The following CDK14 variants were observed in gnomAD, a reference collection of about 807,000 sequenced individuals.
CDK14 encodes cyclin-dependent kinase 14.
A neutral mutation model predicts 60.7 loss-of-function variants in CDK14; 34 were observed. The ratio of observed to expected loss-of-function variants is 0.56; its 90% CI spans 0.43 to 0.75. The LOEUF (loss-of-function observed/expected upper bound fraction) is 0.75. CDK14 is among the 30% of genes least tolerant of loss of function. CDK14 has a pLI of 0.00. For missense variants in CDK14, 482 were observed against 564.1 expected (o/e 0.85, Z 1.47); for synonymous variants, 197 against 203.7 (o/e 0.97, Z 0.28).
chr7:90,993,517 A>T lies in CDK14; in HGVS notation c.1041+9276A>T, dbSNP rs145257281. Among the ~76,000 whole-genome samples the T allele has an allele frequency of 1.0e-3, 158 of 152,106 alleles. 2 individuals carry two copies. Among genetic ancestry groups the T allele is most frequent in the Admixed American group, 9.5e-3 (145 of 15,268 alleles). On this transcript the variant is annotated intron_variant, in intron 10 of 14. Transcript: ENST00000380050. ...TGTGGATGAAAAATTTTTCTGAAAGAAGAAGGGGAAGGAAGGAGGGGGACA... is the reference window on the plus strand; with the variant it reads ...TGTGGATGAAAAATTTTTCTGAAAGTAGAAGGGGAAGGAAGGAGGGGGACA...
chr7:91,177,430 A>G (rs898673431), intron 14 of CDK14, among the ~76,000 whole-genome samples: 4 of 151,956 alleles, frequency 2.6e-5, no homozygotes, highest in South Asian at 2.1e-4. Context: ...CACCACTCCT[A>G]TTCAACATAG....
chr7:91,063,991 T>TC (rs1397439117), intron 11 of CDK14, among the ~76,000 whole-genome samples: 2 of 152,172 alleles, frequency 1.3e-5, no homozygotes, highest in Admixed American at 1.3e-4. Context: ...ACTGCTGTTA[T>TC]CCCAATTTGA....
intron 4 of CDK14, among the ~76,000 whole-genome samples, chr7:90,750,730 A>G (rs1418455344): frequency 1.3e-5 from 2 of 152,050 alleles, no homozygotes; most frequent in East Asian, 3.9e-4. Flanking sequence ...AAAATTAGCT[A>G]GGTGTGGTGG....
chr7:90,749,252 T>C (rs962976635), intron 4 of CDK14, among the ~76,000 whole-genome samples: 2 of 151,340 alleles, frequency 1.3e-5, no homozygotes, highest in African/African-American at 4.9e-5. Context: ...TATCTTGAGC[T>C]GCCCCACCCC....
intron 10 of CDK14, among the ~76,000 whole-genome samples, chr7:91,012,427 G>C (rs147097959): frequency 2.0e-5 from 3 of 152,276 alleles, no homozygotes; most frequent in Non-Finnish European, 2.9e-5. Context: ...TCTTGGTACA[G>C]ATTTCTCCTC....
At chr7:91,001,581 CT>C (rs1795835558) in intron 10 of CDK14, among the ~76,000 whole-genome samples, 1 of 152,024 alleles carries the variant, frequency 6.6e-6, no homozygotes, top group Non-Finnish European at 1.5e-5. Flanking sequence ...AAAGGCAATA[CT>C]TTTTTCAAAT....
intron 9 of CDK14, among the ~76,000 whole-genome samples, chr7:90,977,390 T>C (rs1381604081): frequency 6.6e-6 from 1 of 152,216 alleles, no homozygotes; most frequent in East Asian, 1.9e-4. Context: ...ATTGGGGGTT[T>C]ATATAATGCG....
chr7:90,778,808 C>T (rs1296963482), intron 4 of CDK14, among the ~76,000 whole-genome samples: 1 of 151,570 alleles, frequency 6.6e-6, no homozygotes, highest in Non-Finnish European at 1.5e-5. Flanking sequence ...TTCCTTTTTT[C>T]AGCTTAATCC....
At chr7:90,754,229 A>G (rs1339974163) in intron 4 of CDK14, among the ~76,000 whole-genome samples, 2 of 152,210 alleles carry the variant, frequency 1.3e-5, no homozygotes, top group African/African-American at 4.8e-5. Flanking sequence ...AATTCAAACT[A>G]TATTATAAGG....
chr7:91,152,010 A>G (rs147166552), intron 14 of CDK14, among the ~76,000 whole-genome samples: 125 of 152,342 alleles, frequency 8.2e-4, no homozygotes, highest in Middle Eastern at 3.4e-3. Context: ...GTTTGGGATT[A>G]TGGTGTTCTT....
chr7:90,709,717 A>G, intron 2 of CDK14: 4 of 1,469,378 alleles, frequency 2.7e-6, no homozygotes, highest in Non-Finnish European at 3.6e-6. Context: ...GTTCTTCTCA[A>G]CAGTTTTTGG....
chr7:91,146,521 C>T (rs1190886109), intron 14 of CDK14, among the ~76,000 whole-genome samples: 3 of 152,072 alleles, frequency 2.0e-5, no homozygotes, highest in Non-Finnish European at 4.4e-5. Flanking sequence ...AATTGGTAGT[C>T]GTGCCAACAG....
intron 6 of CDK14, among the ~76,000 whole-genome samples, chr7:90,879,913 G>A (rs893932295): frequency 1.3e-5 from 2 of 152,050 alleles, no homozygotes; most frequent in African/African-American, 2.4e-5. Context: ...TGTGAGTGGT[G>A]TGATACCCAG....
intron 4 of CDK14, among the ~76,000 whole-genome samples, chr7:90,765,997 A>G (rs1028302944): frequency 6.6e-6 from 1 of 151,830 alleles, no homozygotes; most frequent in East Asian, 1.9e-4. Flanking sequence ...TAGATATGAA[A>G]TAGCTCTTTT....
At chr7:91,046,693 T>G (rs929722719) in intron 11 of CDK14, among the ~76,000 whole-genome samples, 15 of 146,266 alleles carry the variant, frequency 1.0e-4, no homozygotes, top group Non-Finnish European at 5.9e-5. Context: ...GGTTGTTGTG[T>G]TTTTTTTTCT....
At chr7:90,786,913 G>A (rs1016268170) in intron 4 of CDK14, among the ~76,000 whole-genome samples, 22 of 115,540 alleles carry the variant, frequency 1.9e-4, no homozygotes, top group Non-Finnish European at 2.4e-4. Flanking sequence ...ACAACAGAGT[G>A]AGACCCTGTC....
intron 6 of CDK14, among the ~76,000 whole-genome samples, chr7:90,875,471 A>G (rs1791524822): frequency 6.6e-6 from 1 of 151,968 alleles, no homozygotes; most frequent in Non-Finnish European, 1.5e-5. Context: ...CAATCCAACC[A>G]GCAGTGTATA....
intron 10 of CDK14, among the ~76,000 whole-genome samples, chr7:90,985,782 A>G (rs995674830): frequency 8.5e-5 from 13 of 152,148 alleles, no homozygotes; most frequent in African/African-American, 4.8e-5. Context: ...GACAATCAGC[A>G]AAGTCCCTAA....
chr7:90,873,560 A>G (rs1320105339), intron 6 of CDK14, among the ~76,000 whole-genome samples: 1 of 152,168 alleles, frequency 6.6e-6, no homozygotes, highest in East Asian at 1.9e-4. Flanking sequence ...TACTTTGGTA[A>G]AGGAATATTA....
Sources: allele counts gnomAD v4.1 joint callset (sites outside exome capture counted in the v4.1 genomes callset), GRCh38; gene constraint gnomAD v4.1.1; transcripts MANE v1.5; gene names NCBI Gene and HGNC (gene_info 2026-07-23, HGNC 2026-07-21).